Variants in SEC11C observed in about 807,000 individuals in gnomAD.
SEC11C encodes the protein SEC11 homolog C, signal peptidase complex subunit.
A neutral mutation model predicts 21.9 loss-of-function variants in SEC11C; 10 were observed. The observed-to-expected ratio is 0.46, with a 90% CI of 0.28 to 0.77. SEC11C has a LOEUF of 0.77. SEC11C is among the 30% of genes least tolerant of loss of function. The pLI is 0.12. For synonymous variants in SEC11C, 83 were observed against 85.6 expected (o/e 0.97, Z 0.17); for missense variants, 145 against 244.5 (o/e 0.59, Z 2.71).
At chr18:59,157,994 C>G (rs972429383) in intron 5 of SEC11C, among the ~76,000 whole-genome samples, 2 of 152,122 alleles carry the variant, frequency 1.3e-5, no homozygotes, top group South Asian at 4.1e-4. Flanking sequence ...GTATCTCTCT[C>G]TCTCTCTAAA....
At chr18:59,140,460 G>T (rs2144020273) in intron 1 of SEC11C, among the ~76,000 whole-genome samples, 1 of 152,334 alleles carries the variant, frequency 6.6e-6, no homozygotes, top group Admixed American at 6.5e-5. Flanking sequence ...AGGCGAGAGG[G>T]AAGAACTTTC....
rs938361553 is a variant in SEC11C at position 59,149,404 on chromosome 18, G to A, written c.88-109G>A. On this transcript the variant is annotated intron_variant, in intron 1 of 5. Coordinates refer to ENST00000587834, the MANE Select transcript of SEC11C (RefSeq NM_033280.4). The stretch of plus-strand genomic sequence containing the variant: ...ATTTTGTACCTTGTGTTAGTTTCCT[G>A]TCCTAAAATCATGTCTTTGAAAAAG... The A allele has an allele frequency of 1.0e-5, 7 of 683,948 alleles. No individual in the cohort carries two copies. The Admixed American group carries it at 1.2e-4, about 12-fold the overall frequency. 42.4% of individuals were successfully genotyped at this position (683,948 alleles called of 1,614,324 possible). A position where few individuals can be genotyped will look rare whatever the true frequency, so the allele number is the denominator to read the frequency against.
At chr18:59,150,232 G>A (rs773832547) in intron 2 of SEC11C, among the ~76,000 whole-genome samples, 2 of 152,198 alleles carry the variant, frequency 1.3e-5, no homozygotes, top group Admixed American at 6.5e-5. Flanking sequence ...GCTTCAAGAC[G>A]CTGTCGGTCC....
At chr18:59,157,518 T>C (rs2144046722) in intron 4 of SEC11C, 90 bp from the exon 5 acceptor site, 1 of 909,348 alleles carries the variant, frequency 1.1e-6, no homozygotes, top group Admixed American at 1.8e-5. Context: ...ACAATTCATT[T>C]CTTAAGACTG....
In SEC11C at chr18:59,155,683, T is replaced by A. The variant is rs761164819; in HGVS notation, c.348-5T>A. 6.2e-7 allele frequency: 1 copy of A among 1,609,848 alleles called. No individual in the cohort carries two copies. The highest frequency in any genetic ancestry group is 1.7e-5 in the Admixed American group (1 of 58,750). ...TTTTTGAGAAGACATTATTTTGCTT[T>A]CCAGAGATAATGGAGACATCAAATT... On this transcript the variant is annotated splice_region_variant and splice_polypyrimidine_tract_variant and intron_variant, in intron 3 of 5. Transcript: ENST00000587834.
chr18:59,149,787 G>T lies in SEC11C; in HGVS notation c.197+165G>T, dbSNP rs74845037. Among the ~76,000 whole-genome samples the T allele has an allele frequency of 2.0e-5, 3 of 151,764 alleles. 1 individual carries two copies. The highest frequency in any genetic ancestry group is 7.2e-5 in the African/African-American group (3 of 41,404). On this transcript the variant is annotated intron_variant, in intron 2 of 5. Coordinates refer to ENST00000587834, the MANE Select transcript of SEC11C (RefSeq NM_033280.4). ...TTGATATCTATTTTGAAAATGTTTC[G>T]TTTTTTTTCTGGCTTTTGAAAAATC...
intron 2 of SEC11C, among the ~76,000 whole-genome samples, chr18:59,151,352 G>A (rs2069351136): frequency 6.8e-6 from 1 of 147,780 alleles, no homozygotes; most frequent in Non-Finnish European, 1.5e-5. Flanking sequence ...AAACAATTAT[G>A]TTTTATTTCA....
At chr18:59,152,361 A>G (rs1247929251) in intron 2 of SEC11C, among the ~76,000 whole-genome samples, 175 bp from the exon 3 acceptor site, 1 of 152,166 alleles carries the variant, frequency 6.6e-6, no homozygotes, top group Non-Finnish European at 1.5e-5. Context: ...ATCTCAGTAG[A>G]AGTCATTTCC....
chr18:59,150,208 G>C (rs992732541), intron 2 of SEC11C, among the ~76,000 whole-genome samples: 2 of 152,202 alleles, frequency 1.3e-5, no homozygotes, highest in Non-Finnish European at 2.9e-5. Context: ...GGCCGTGTTT[G>C]GGAACTGATA....
rs2069446936 is a variant in SEC11C, at chr18:59,158,663, T to C, written c.557T>C (p.Val186Ala). 2 of 1,613,906 alleles carry C rather than the reference T, an allele frequency of 1.2e-6. No homozygotes were observed. Among genetic ancestry groups the C allele is most frequent in the Non-Finnish European group, 1.7e-6 (2 of 1,179,810 alleles). ...YALLAVMGAYVLLKRES is the reference protein window; with the variant it reads ...YALLAVMGAYALLKRES ...CTTTTGGCTGTAATGGGTGCATATG[T>C]GTTACTAAAACGTGAATCCTAAAAT... Residue 186 changes from valine to alanine, a missense_variant, in exon 6 of 6, where the codon GTG becomes GCG. Val to Ala is a moderately conservative substitution (Grantham distance 64). Transcript: ENST00000587834.
intron 1 of SEC11C, 26 bp from the exon 2 acceptor site, chr18:59,149,487 T>C (rs767547287): frequency 1.4e-6 from 2 of 1,478,610 alleles, no homozygotes; most frequent in Non-Finnish European, 1.9e-6. Flanking sequence ...TTGGTTTTCA[T>C]CGTGGTTTCC....
chr18:59,143,367 A>C (rs1168078623), intron 1 of SEC11C, among the ~76,000 whole-genome samples: 4 of 151,294 alleles, frequency 2.6e-5, no homozygotes, highest in Non-Finnish European at 4.4e-5. Context: ...AAAAAAAAAA[A>C]AAAAAAAAGT....
At chr18:59,144,927 C>G (rs2069253326) in intron 1 of SEC11C, among the ~76,000 whole-genome samples, 1 of 152,020 alleles carries the variant, frequency 6.6e-6, no homozygotes, top group South Asian at 2.1e-4. Context: ...TTTGTTTGCA[C>G]TCACCATTAA....
At chr18:59,148,102 A>G (rs893723117) in intron 1 of SEC11C, 4 of 152,304 alleles carry the variant, frequency 2.6e-5, no homozygotes. Context: ...AGTGGAGGGA[A>G]GATCTTTGGA....
intron 4 of SEC11C, chr18:59,156,446 C>G (rs985634517): frequency 2.6e-4 from 40 of 152,204 alleles, no homozygotes; most frequent in African/African-American, 9.7e-4. Flanking sequence ...TTTTAAGTGG[C>G]TACAAGCTGT....
intron 4 of SEC11C, 146 bp from the exon 5 acceptor site, chr18:59,157,462 A>G (rs2069431035): frequency 1.6e-6 from 1 of 630,880 alleles, no homozygotes; most frequent in Non-Finnish European, 2.8e-6. Flanking sequence ...TGTTTGAGAC[A>G]GGGCTGAATA....
chr18:59,147,655 C>T (rs1432919066), intron 1 of SEC11C: 1 of 148,492 alleles, frequency 6.7e-6, no homozygotes. Context: ...AATTGGTGTC[C>T]CCAGAACTGA....
chr18:59,139,885 GGTGCTCCGCAGCCGTCT>G lies in SEC11C; in HGVS notation c.-59_-43del. 7.9e-7 allele frequency: 1 copy of G among 1,264,190 alleles called. No individual in the cohort carries two copies. 78.3% of individuals were successfully genotyped at this position (1,264,190 alleles called of 1,614,324 possible). On this transcript the variant is annotated 5_prime_UTR_variant, in exon 1 of 6. Transcript: ENST00000587834. ...CTGGGCCGGTGGGCGGGGGCCGGCA[GGTGCTCCGCAGCCGTCT>G]GTGCCACCCAGAGCCGGCGGGCCGC...
At chr18:59,157,484 C>T (rs1238319334) in intron 4 of SEC11C, 124 bp from the exon 5 acceptor site, 2 of 737,618 alleles carry the variant, frequency 2.7e-6, no homozygotes, top group Non-Finnish European at 4.9e-6. Flanking sequence ...ATCCTTACAG[C>T]CCTGGTCAGT....
Sources: allele counts gnomAD v4.1 joint callset (sites outside exome capture counted in the v4.1 genomes callset), GRCh38; gene constraint gnomAD v4.1.1; transcripts MANE v1.5; gene names NCBI Gene and HGNC (gene_info 2026-07-23, HGNC 2026-07-21).